The following PPP2CB variants were observed in gnomAD, a reference collection of about 807,000 sequenced individuals.
PPP2CB encodes protein phosphatase 2 catalytic subunit beta, also known as serine/threonine-protein phosphatase 2A catalytic subunit beta isoform.
In PPP2CB, 18 loss-of-function variants were observed where a neutral mutation model predicts 39.1. That is an observed-to-expected ratio of 0.46 (90% CI 0.32 to 0.68). PPP2CB has a LOEUF of 0.68. Among genes scored for constraint, PPP2CB ranks in the 30% least tolerant of loss-of-function variants. The pLI, the probability that PPP2CB is intolerant of heterozygous loss-of-function variation, is 0.04. For synonymous variants in PPP2CB, 129 were observed against 133.8 expected, an observed-to-expected ratio of 0.96 and a Z score of 0.25; for missense variants, 226 against 396.9, an observed-to-expected ratio of 0.57 and a Z score of 3.66.
chr8:30,803,777 A>G (rs1586126666), intron 1 of PPP2CB, among the ~76,000 whole-genome samples: 1 of 104,266 alleles, frequency 9.6e-6, no homozygotes, highest in East Asian at 2.2e-4. Context: ...TTAAATGGCT[A>G]ACTTTTGGAG....
chr8:30,794,184 A>G lies in PPP2CB; in HGVS notation c.576+8T>C, dbSNP rs968600658. The G allele has an allele frequency of 3.1e-6, 5 of 1,612,366 alleles. No individual in the cohort carries two copies. The African/African-American group carries it at 5.3e-5, about 17-fold the overall frequency. On this transcript the variant is annotated splice_region_variant and intron_variant, in intron 4 of 6. Transcript: ENST00000221138. ...TTCCTTTCTTCTTCTTTTTTAAATTAAGTTTACCTCATGTGGAACTTCCTG... is the reference window on the plus strand; with the variant it reads ...TTCCTTTCTTCTTCTTTTTTAAATTGAGTTTACCTCATGTGGAACTTCCTG...
intron 3 of PPP2CB, among the ~76,000 whole-genome samples, chr8:30,795,119 ATTTTTTTTT>A (rs893547625): frequency 7.8e-6 from 1 of 127,498 alleles, no homozygotes; most frequent in Non-Finnish European, 1.7e-5. Context: ...TCTGATTTTG[ATTTTTTTTT>A]TTTTTTTTTT....
chr8:30,798,957 G>A (rs1021598243), intron 2 of PPP2CB, among the ~76,000 whole-genome samples: 6 of 152,148 alleles, frequency 3.9e-5, no homozygotes, highest in African/African-American at 1.4e-4. Context: ...TGAATAAGAA[G>A]AAACTTTGAT....
chr8:30,798,170 C>T (rs1806556924), intron 2 of PPP2CB, among the ~76,000 whole-genome samples: 1 of 152,164 alleles, frequency 6.6e-6, no homozygotes, highest in Non-Finnish European at 1.5e-5. Context: ...AGATTAACTT[C>T]TTCCCTTTTC....
intron 1 of PPP2CB, among the ~76,000 whole-genome samples, chr8:30,800,544 GC>G (rs1017373791): frequency 1.3e-5 from 2 of 152,062 alleles, no homozygotes; most frequent in Admixed American, 6.5e-5. Context: ...CCATTAGGTG[GC>G]CCTGAAGTAC....
In PPP2CB at chr8:30,812,693, G is replaced by C. The variant is rs867140494; in HGVS notation, c.-272C>G. On this transcript the variant is annotated 5_prime_UTR_variant, in exon 1 of 7. Coordinates refer to ENST00000221138, the MANE Select transcript of PPP2CB (RefSeq NM_001009552.2). ...CGCCGCGGGAGTCGGTGAAGGACGC[G>C]GTGAGGTGCCGGGGAGCGCGGCGCG... 1.0e-5 allele frequency: 4 copies of C among 393,752 alleles called. No homozygotes were observed. The highest frequency in any genetic ancestry group is 8.8e-5 in the African/African-American group (4 of 45,650). 24.4% of individuals were successfully genotyped at this position (393,752 alleles called of 1,614,324 possible).
At chr8:30,793,394 A>G (rs370342738) in intron 5 of PPP2CB, 3 of 152,510 alleles carry the variant, frequency 2.0e-5, no homozygotes, top group Admixed American at 6.5e-5. Flanking sequence ...TTTGCTATTA[A>G]AGACATTAGT....
intron 1 of PPP2CB, among the ~76,000 whole-genome samples, chr8:30,807,071 G>C (rs1480404212): frequency 6.6e-6 from 1 of 152,142 alleles, no homozygotes; most frequent in Non-Finnish European, 1.5e-5. Context: ...GGAAAACAAT[G>C]ATTTGTTCAG....
rs974505269 is a variant in PPP2CB, at chr8:30,805,308, C to T, written c.103-5553G>A. Among the ~76,000 whole-genome samples the T allele has an allele frequency of 5.9e-5, 9 of 152,280 alleles. No homozygotes were observed. The East Asian group carries it at 1.5e-3, about 26-fold the overall frequency. On this transcript the variant is annotated intron_variant, in intron 1 of 6. Coordinates refer to ENST00000221138, the MANE Select transcript of PPP2CB (RefSeq NM_001009552.2). The stretch of plus-strand genomic sequence containing the variant: ...GGCGCAGTGGCTCACGCCTGCAATC[C>T]CAGCACTTTGGGAGGCTGAGGCAGG...
chr8:30,801,397 T>C (rs368274821), intron 1 of PPP2CB, among the ~76,000 whole-genome samples: 5 of 152,190 alleles, frequency 3.3e-5, no homozygotes, highest in African/African-American at 1.2e-4. Flanking sequence ...CCCGGCATGG[T>C]GGCGGGCGCC....
At chr8:30,802,080 A>C (rs1806636211) in intron 1 of PPP2CB, among the ~76,000 whole-genome samples, 1 of 152,184 alleles carries the variant, frequency 6.6e-6, no homozygotes, top group Non-Finnish European at 1.5e-5. Flanking sequence ...TTTTCTGCTT[A>C]TAGCCTGGTA....
intron 5 of PPP2CB, among the ~76,000 whole-genome samples, chr8:30,791,858 A>G (rs7005476): frequency 0.14 from 21,030 of 149,676 alleles, 1,541 homozygotes; most frequent in African/African-American, 0.21. Flanking sequence ...ATATACGTGT[A>G]TATATGTATA....
At chr8:30,806,747 A>C (rs974542952) in intron 1 of PPP2CB, among the ~76,000 whole-genome samples, 3 of 152,366 alleles carry the variant, frequency 2.0e-5, no homozygotes, top group African/African-American at 7.2e-5. Flanking sequence ...AAGACTGTGA[A>C]GAAAAAATTT....
chr8:30,800,601 C>T (rs1354439608), intron 1 of PPP2CB, among the ~76,000 whole-genome samples: 3 of 152,274 alleles, frequency 2.0e-5, no homozygotes, highest in South Asian at 2.1e-4. Context: ...CTGACTAAAT[C>T]GAAGTTCACT....
Position 30,785,897 on chromosome 8 carries a change from T to TA in PPP2CB, c.*337dup. 1 of 460,938 alleles carries TA rather than the reference T, an allele frequency of 2.2e-6. No homozygotes were observed. Among genetic ancestry groups the TA allele is most frequent in the Non-Finnish European group, 4.2e-6 (1 of 235,916 alleles). 28.6% of individuals were successfully genotyped at this position (460,938 alleles called of 1,614,324 possible). ...TCCAACTCTATTAATCCATGCCAGTTAAACACTATAACTAAAATTTCCAAA... is the reference window on the plus strand; with the variant it reads ...TCCAACTCTATTAATCCATGCCAGTTAAAACACTATAACTAAAATTTCCAAA... On this transcript the variant is annotated 3_prime_UTR_variant, in exon 7 of 7. Coordinates refer to ENST00000221138, the MANE Select transcript of PPP2CB (RefSeq NM_001009552.2).
At chr8:30,797,038 A>G (rs1036303851) in intron 3 of PPP2CB, among the ~76,000 whole-genome samples, 8 of 151,536 alleles carry the variant, frequency 5.3e-5, no homozygotes, top group Non-Finnish European at 1.5e-5. Context: ...TTGTAGAGAC[A>G]GGGTCTTACT....
At chr8:30,810,830 T>G (rs1303962710) in intron 1 of PPP2CB, among the ~76,000 whole-genome samples, 3 of 152,222 alleles carry the variant, frequency 2.0e-5, no homozygotes, top group African/African-American at 7.2e-5. Context: ...ATATTGTAAC[T>G]TAACACCATC....
chr8:30,788,044 T>A (rs908336692), intron 6 of PPP2CB, among the ~76,000 whole-genome samples: 2 of 152,212 alleles, frequency 1.3e-5, no homozygotes, highest in Non-Finnish European at 2.9e-5. Context: ...GATTTGGTAA[T>A]GTGAGTCTTT....
At chr8:30,786,425 C>G in intron 6 of PPP2CB, 118 bp from the exon 7 acceptor site, 1 of 785,728 alleles carries the variant, frequency 1.3e-6, no homozygotes, top group Non-Finnish European at 2.0e-6. Context: ...ATGACTACAT[C>G]ACTTACGGCT....
Sources: gnomAD v4.1 joint callset for allele counts (sites outside exome capture counted in the v4.1 genomes callset) on GRCh38, gnomAD v4.1.1 for gene constraint, MANE v1.5 for transcripts, NCBI Gene and HGNC (gene_info 2026-07-23, HGNC 2026-07-21) for gene names.